Variants in ZNF146 observed in about 807,000 individuals in gnomAD.
ZNF146 encodes zinc finger protein OZF.
ZNF146 carries 9 observed loss-of-function variants against 22.2 expected under a neutral mutation model. That is an observed-to-expected ratio of 0.41 (90% confidence interval 0.24 to 0.71). The LOEUF (loss-of-function observed/expected upper bound fraction) is 0.71, where lower values mean the gene tolerates loss of function less well. Among genes scored for constraint, ZNF146 ranks in the 30% least tolerant of loss-of-function variants. The pLI is 0.34. For missense variants in ZNF146, 194 were observed against 344.8 expected, an observed-to-expected ratio of 0.56 and a Z score of 3.46; for synonymous variants, 108 against 119.2, an observed-to-expected ratio of 0.91 and a Z score of 0.61.
intron 3 of ZNF146, among the ~76,000 whole-genome samples, chr19:36,232,324 A>T (rs1977417896): frequency 6.6e-6 from 1 of 152,114 alleles, no homozygotes. Context: ...TACTTATATA[A>T]ACTTGAATTC....
At chr19:36,217,691 C>T (rs1976668764) in intron 1 of ZNF146, among the ~76,000 whole-genome samples, 2 of 151,860 alleles carry the variant, frequency 1.3e-5, no homozygotes, top group South Asian at 4.2e-4. Context: ...TTGAGACCAG[C>T]GTGACCAACA....
At chr19:36,232,923 C>A (rs1172756517) in intron 3 of ZNF146, among the ~76,000 whole-genome samples, 3 of 152,216 alleles carry the variant, frequency 2.0e-5, no homozygotes, top group African/African-American at 7.2e-5. Flanking sequence ...TTAAATATAA[C>A]AAATGCTGAA....
At chr19:36,225,147 G>A (rs1404349220) in intron 2 of ZNF146, among the ~76,000 whole-genome samples, 1 of 152,136 alleles carries the variant, frequency 6.6e-6, no homozygotes, top group Non-Finnish European at 1.5e-5. Flanking sequence ...TACAGATTAT[G>A]ATTATATAAA....
intron 2 of ZNF146, among the ~76,000 whole-genome samples, chr19:36,219,764 TTTG>T (rs1027128189): frequency 4.6e-5 from 7 of 152,336 alleles, no homozygotes; most frequent in African/African-American, 1.2e-4. Flanking sequence ...TTCTGTTTTT[TTTG>T]TTGTTGTTGT....
intron 3 of ZNF146, among the ~76,000 whole-genome samples, chr19:36,232,029 C>A (rs1287618049): frequency 6.6e-6 from 1 of 151,818 alleles, no homozygotes; most frequent in Non-Finnish European, 1.5e-5. Context: ...ATGGTAAAAC[C>A]CCGTTTCTAT....
chr19:36,230,876 A>G (rs188019291), intron 3 of ZNF146, among the ~76,000 whole-genome samples: 1 of 152,128 alleles, frequency 6.6e-6, no homozygotes, highest in East Asian at 1.9e-4. Flanking sequence ...ATCTCGGCTC[A>G]CTGCAACCTC....
At chr19:36,219,434 C>T (rs936440476) in intron 2 of ZNF146, among the ~76,000 whole-genome samples, 14 of 152,148 alleles carry the variant, frequency 9.2e-5, no homozygotes, top group South Asian at 4.1e-4. Context: ...CATCATTATC[C>T]GCTCCTTTGG....
intron 3 of ZNF146, among the ~76,000 whole-genome samples, chr19:36,230,198 T>G (rs1977266997): frequency 1.3e-5 from 2 of 152,224 alleles, no homozygotes; most frequent in African/African-American, 4.8e-5. Context: ...ATAAATTTAA[T>G]TGAGATAAGC....
chr19:36,236,343 A>C lies in ZNF146; in HGVS notation c.-98A>C. 7.2e-7 allele frequency: 1 copy of C among 1,389,414 alleles called. No homozygotes were observed. The highest frequency in any genetic ancestry group is 9.7e-7 in the Non-Finnish European group (1 of 1,027,010). The allele number at this position is 1,389,414 out of a possible 1,614,324, so 86.1% of individuals were successfully genotyped here. ...TACACAGAGAAGCCTTATAAATGTA[A>C]GAGATGTGGAAATATCTTCAGCCAA... On this transcript the variant is annotated 5_prime_UTR_variant, in exon 4 of 4. An upstream open reading frame in the 5' UTR loses its in-frame stop. Coordinates refer to ENST00000443387, the MANE Select transcript of ZNF146 (RefSeq NM_007145.3).
chr19:36,235,601 T>C (rs1490568138), intron 3 of ZNF146, 58 bp from the exon 4 acceptor site: 1 of 152,228 alleles, frequency 6.6e-6, no homozygotes, highest in African/African-American at 2.4e-5. Flanking sequence ...CAGCCATGGT[T>C]CTGGGCACTT....
chr19:36,232,613 T>TC (rs1977433129), intron 3 of ZNF146, among the ~76,000 whole-genome samples: 2 of 151,152 alleles, frequency 1.3e-5, no homozygotes, highest in Non-Finnish European at 1.5e-5. Flanking sequence ...TTTTTTCTTT[T>TC]TTTTTTTTTT....
intron 3 of ZNF146, among the ~76,000 whole-genome samples, chr19:36,233,622 A>C (rs1320439128): frequency 6.6e-6 from 1 of 152,176 alleles, no homozygotes; most frequent in Non-Finnish European, 1.5e-5. Context: ...GTCAGCAGGA[A>C]AACGTGAACA....
In ZNF146 at chr19:36,216,850, G is replaced by C. The variant is rs1057418261; in HGVS notation, c.-928-1272G>C. Among the ~76,000 whole-genome samples, 22 of 75,122 alleles carry C rather than the reference G, an allele frequency of 2.9e-4. 1 individual carries two copies. The highest frequency in any genetic ancestry group is 8.7e-5 in the Non-Finnish European group (3 of 34,548). 49.3% of individuals were successfully genotyped at this position (75,122 alleles called of 152,430 possible). On this transcript the variant is annotated intron_variant, in intron 1 of 3. Coordinates refer to ENST00000443387, the MANE Select transcript of ZNF146 (RefSeq NM_007145.3). Reference sequence around the variant, plus strand: ...AAATATAAAGCCTCAGGCCGGGCTTGGTGGCTCACACCTGTGAGCCAAGGC... The same window carrying C: ...AAATATAAAGCCTCAGGCCGGGCTTCGTGGCTCACACCTGTGAGCCAAGGC...
chr19:36,224,341 C>T (rs1976985210), intron 2 of ZNF146, among the ~76,000 whole-genome samples: 1 of 152,176 alleles, frequency 6.6e-6, no homozygotes, highest in African/African-American at 2.4e-5. Context: ...GAGATTGTGC[C>T]ACTGCACTGC....
intron 2 of ZNF146, among the ~76,000 whole-genome samples, chr19:36,223,819 T>A (rs115988914): frequency 1.3e-5 from 2 of 151,860 alleles, no homozygotes; most frequent in African/African-American, 4.8e-5. Flanking sequence ...TGATCACAGC[T>A]GACTGCAGCC....
intron 2 of ZNF146, among the ~76,000 whole-genome samples, chr19:36,227,424 G>A (rs1977121897): frequency 6.6e-6 from 1 of 150,438 alleles, no homozygotes; most frequent in Admixed American, 6.6e-5. Flanking sequence ...TTTTCTTTTG[G>A]AGTGCAGTGG....
chr19:36,215,085 G>A (rs1339582706), upstream of ZNF146: 1 of 152,396 alleles, frequency 6.6e-6, no homozygotes, highest in Non-Finnish European at 1.5e-5. Context: ...GGAGACTTCT[G>A]GGAGTGCTTC....
intron 1 of ZNF146, among the ~76,000 whole-genome samples, chr19:36,216,618 A>G (rs1976618294): frequency 6.6e-6 from 1 of 151,584 alleles, no homozygotes; most frequent in Non-Finnish European, 1.5e-5. Context: ...AGATCTCGCC[A>G]CTGCACTCCA....
rs1977660358 is a variant in ZNF146 at position 36,236,812 on chromosome 19, A to T, written c.372A>T (p.Gly124=). 3 of 1,613,994 alleles carry T rather than the reference A, an allele frequency of 1.9e-6. No individual in the cohort carries two copies. Among genetic ancestry groups the T allele is most frequent in the Non-Finnish European group, 2.5e-6 (3 of 1,180,016 alleles). ...TCAGACACCAGAGAACTCACACAGG[A>T]GAGAAGCCCTTTGTATGTAAGGAGT... ...NLIRHQRTHT[G]EKPFVCKECG... is the part of the protein sequence containing the mutation. The change falls in exon 4 of 4, where the codon GGA becomes GGT. Residue 124 remains glycine (G), a synonymous_variant. Transcript: ENST00000443387.
Sources: gnomAD v4.1 joint callset for allele counts (sites outside exome capture counted in the v4.1 genomes callset) on GRCh38, gnomAD v4.1.1 for gene constraint, MANE v1.5 for transcripts, NCBI Gene and HGNC (gene_info 2026-07-23, HGNC 2026-07-21) for gene names.